Variants in SCARA5 observed in about 807,000 individuals in gnomAD.
SCARA5 encodes scavenger receptor class A member 5, also known as scavenger receptor class A, member 5 (putative).
Under a neutral mutation model 46.3 loss-of-function variants are expected in SCARA5, and 45 were observed. The observed-to-expected ratio is 0.97, with a 90% CI of 0.76 to 1.24. The LOEUF (loss-of-function observed/expected upper bound fraction) is 1.24, where lower values mean the gene tolerates loss of function less well. Ranked by LOEUF, SCARA5 falls within the 50% of genes most tolerant of loss-of-function variation. The pLI, the probability that SCARA5 is intolerant of heterozygous loss-of-function variation, is 0.00. For synonymous variants in SCARA5, 333 were observed against 306.5 expected, an observed-to-expected ratio of 1.09 and a Z score of -0.90; for missense variants, 680 against 689.0, an observed-to-expected ratio of 0.99 and a Z score of 0.15.
chr8:27,904,877 C>T (rs1051441316), intron 6 of SCARA5, 43 bp from the exon 7 acceptor site: 1 of 1,484,536 alleles, frequency 6.7e-7, no homozygotes, highest in African/African-American at 1.4e-5. Flanking sequence ...GGAAAGAAAT[C>T]CTAATTGTGA....
At chr8:27,972,618 C>G (rs2685394) in intron 2 of SCARA5, among the ~76,000 whole-genome samples, 20 of 152,074 alleles carry the variant, frequency 1.3e-4, no homozygotes, top group Non-Finnish European at 2.5e-4. Flanking sequence ...AATCCCAGCA[C>G]TTCAGGAGGC....
intron 3 of SCARA5, among the ~76,000 whole-genome samples, chr8:27,945,789 C>T (rs1403924384): frequency 1.3e-5 from 2 of 152,162 alleles, no homozygotes; most frequent in Non-Finnish European, 2.9e-5. Context: ...AGCCAGTCTC[C>T]TTAAGAGATG....
At chr8:27,943,632 CA>C (rs1328845964) in intron 3 of SCARA5, among the ~76,000 whole-genome samples, 1 of 152,232 alleles carries the variant, frequency 6.6e-6, no homozygotes, top group African/African-American at 2.4e-5. Context: ...AACATGACAT[CA>C]TTGACTACGG....
chr8:27,948,300 T>C (rs1273574618), intron 3 of SCARA5, among the ~76,000 whole-genome samples: 2 of 151,974 alleles, frequency 1.3e-5, no homozygotes, highest in Non-Finnish European at 2.9e-5. Context: ...AGGCAAGCAA[T>C]TACTCAGACT....
chr8:27,964,342 C>G (rs1394274329), intron 3 of SCARA5, among the ~76,000 whole-genome samples: 1 of 152,136 alleles, frequency 6.6e-6, no homozygotes, highest in Non-Finnish European at 1.5e-5. Flanking sequence ...CAATCCACCC[C>G]AAATTTTTGT....
At chr8:27,894,361 C>T (rs1205405888) in intron 7 of SCARA5, among the ~76,000 whole-genome samples, 2 of 152,122 alleles carry the variant, frequency 1.3e-5, no homozygotes, top group Non-Finnish European at 2.9e-5. Flanking sequence ...TAATAACAGC[C>T]CTCTCCAAAC....
chr8:27,937,320 G>T (rs1807874262), intron 3 of SCARA5, among the ~76,000 whole-genome samples: 1 of 152,126 alleles, frequency 6.6e-6, no homozygotes, highest in Non-Finnish European at 1.5e-5. Context: ...ACCAACCTGG[G>T]ACTCACCTAT....
intron 4 of SCARA5, among the ~76,000 whole-genome samples, chr8:27,913,174 G>T (rs2727002): frequency 0.52 from 78,438 of 151,924 alleles, 20,820 homozygotes; most frequent in Non-Finnish European, 0.58. Flanking sequence ...GATGGATTTT[G>T]TTTTAAACAT....
At chr8:27,954,744 T>C (rs911306306) in intron 3 of SCARA5, among the ~76,000 whole-genome samples, 5 of 152,218 alleles carry the variant, frequency 3.3e-5, no homozygotes, top group African/African-American at 1.2e-4. Context: ...ACTACTTTTA[T>C]AGATCCTGAA....
At chr8:27,987,652 A>T (rs994075320) in intron 1 of SCARA5, 22 bp from the exon 2 acceptor site, 2 of 1,401,890 alleles carry the variant, frequency 1.4e-6, no homozygotes, top group Non-Finnish European at 2.0e-6. Context: ...GCAAGAGGGG[A>T]GGAGAGGGAG....
At chr8:27,966,351 G>A (rs2726940) in intron 3 of SCARA5, 63 bp downstream of exon 3, 299,851 of 1,499,028 alleles carry the variant, frequency 0.2, 31,230 homozygotes, top group Non-Finnish European at 0.21. Flanking sequence ...GGAATGAAGA[G>A]TGGAAGCTCC....
At chr8:27,982,562 A>G (rs752029736) in intron 2 of SCARA5, among the ~76,000 whole-genome samples, 26 of 152,254 alleles carry the variant, frequency 1.7e-4, no homozygotes, top group Middle Eastern at 6.8e-3. Flanking sequence ...ATGCTCGGCT[A>G]TTGCCCAGGA....
intron 7 of SCARA5, among the ~76,000 whole-genome samples, chr8:27,880,719 G>T (rs1806797457): frequency 6.6e-6 from 1 of 152,052 alleles, no homozygotes; most frequent in African/African-American, 2.4e-5. Flanking sequence ...GCCAGGCATA[G>T]TAGCCCATGC....
Position 27,913,614 on chromosome 8 carries a change from C to T in SCARA5, c.917-3871G>A, listed in dbSNP as rs115471768. Among the ~76,000 whole-genome samples, 479 of 152,348 alleles carry T rather than the reference C, an allele frequency of 3.1e-3. 2 individuals carry two copies. The highest frequency in any genetic ancestry group is 0.01 in the African/African-American group (432 of 41,588). ...CCTCCTTCCTCACTGCCTCCACCCT[C>T]GTCAGGTCCTTATGGCCTGGCTCTG... On this transcript the variant is annotated intron_variant, in intron 4 of 8. Transcript: ENST00000354914.
At chr8:27,909,999 A>C (rs1047959142) in intron 4 of SCARA5, among the ~76,000 whole-genome samples, 1 of 152,104 alleles carries the variant, frequency 6.6e-6, no homozygotes, top group African/African-American at 2.4e-5. Flanking sequence ...GGACACACAC[A>C]CACTGAATAT....
intron 1 of SCARA5, among the ~76,000 whole-genome samples, chr8:27,991,676 G>A (rs1453297448): frequency 1.3e-5 from 2 of 152,198 alleles, no homozygotes; most frequent in Non-Finnish European, 2.9e-5. Flanking sequence ...TCACATGAGT[G>A]TGGCCCTTCT....
chr8:27,966,264 A>G, intron 3 of SCARA5, 150 bp downstream of exon 3: 1 of 755,038 alleles, frequency 1.3e-6, no homozygotes. Flanking sequence ...AAAACAAGCA[A>G]TACTACTGAA....
At chr8:27,990,414 C>T (rs541881629) in intron 1 of SCARA5, among the ~76,000 whole-genome samples, 1 of 152,186 alleles carries the variant, frequency 6.6e-6, no homozygotes, top group East Asian at 1.9e-4. Flanking sequence ...GTCTTTGGAC[C>T]AAGTCTGTGC....
At chr8:27,880,478 C>A (rs28881202) in intron 7 of SCARA5, among the ~76,000 whole-genome samples, 28,661 of 151,288 alleles carry the variant, frequency 0.19, 3,860 homozygotes, top group African/African-American at 0.39. Context: ...TATGCATTCA[C>A]CAAAGGTCTA....
Sources: gnomAD v4.1 joint callset for allele counts (sites outside exome capture counted in the v4.1 genomes callset) on GRCh38, gnomAD v4.1.1 for gene constraint, MANE v1.5 for transcripts, NCBI Gene and HGNC (gene_info 2026-07-23, HGNC 2026-07-21) for gene names.